The following CDH13 variants were observed in gnomAD, a reference collection of about 807,000 sequenced individuals.
CDH13 encodes the protein cadherin 13.
In CDH13, 24 loss-of-function variants were observed where a neutral mutation model predicts 63.8. That is an observed-to-expected ratio of 0.38 (90% confidence interval 0.27 to 0.53). The LOEUF (loss-of-function observed/expected upper bound fraction) is 0.53. Ranked by LOEUF, CDH13 falls within the 20% of genes least tolerant of loss-of-function variation. The pLI is 0.85. For missense variants in CDH13, 1,049 were observed against 903.1 expected (o/e 1.16, Z -2.07); for synonymous variants, 503 against 355.3 (o/e 1.42, Z -4.67).
At chr16:83,070,867 CCA>C (rs1419648889) in intron 3 of CDH13, among the ~76,000 whole-genome samples, 72 of 140,222 alleles carry the variant, frequency 5.1e-4, no homozygotes, top group Non-Finnish European at 7.1e-4. Flanking sequence ...CCCCCCCCCC[CCA>C]AATATCAATG....
chr16:83,144,328 A>G (rs774534116), intron 4 of CDH13, among the ~76,000 whole-genome samples: 2 of 152,220 alleles, frequency 1.3e-5, no homozygotes, highest in Non-Finnish European at 1.5e-5. Flanking sequence ...CACCTAACCA[A>G]TATGCTACTG....
intron 1 of CDH13, among the ~76,000 whole-genome samples, chr16:82,846,151 T>C (rs572545602): frequency 7.0e-4 from 107 of 152,346 alleles, no homozygotes; most frequent in African/African-American, 2.4e-3. Flanking sequence ...GGTGTTTGCA[T>C]TGACCAAACT....
chr16:83,019,437 C>A (rs1034153157), intron 2 of CDH13, among the ~76,000 whole-genome samples: 1 of 151,886 alleles, frequency 6.6e-6, no homozygotes, highest in East Asian at 1.9e-4. Context: ...GATATCAATG[C>A]CTTCTTCTGG....
chr16:83,387,074 C>G (rs1223716967), intron 6 of CDH13, among the ~76,000 whole-genome samples: 3 of 152,252 alleles, frequency 2.0e-5, no homozygotes, highest in African/African-American at 4.8e-5. Context: ...TGTTCATAGA[C>G]TCTATTATAG....
chr16:83,696,419 G>C (rs1009019397), intron 10 of CDH13, among the ~76,000 whole-genome samples: 3 of 151,982 alleles, frequency 2.0e-5, no homozygotes, highest in Admixed American at 1.3e-4. Context: ...AATCTGTAAA[G>C]GTGGGAGGAC....
chr16:82,874,662 G>C (rs756071273), intron 2 of CDH13, among the ~76,000 whole-genome samples: 2 of 152,140 alleles, frequency 1.3e-5, no homozygotes, highest in African/African-American at 2.4e-5. Context: ...AGGAAACATT[G>C]ATTCTGAATA....
intron 1 of CDH13, among the ~76,000 whole-genome samples, chr16:82,797,280 T>C (rs2036629014): frequency 6.6e-6 from 1 of 152,222 alleles, no homozygotes; most frequent in African/African-American, 2.4e-5. Flanking sequence ...GAGCCTCATA[T>C]GGTATGTGGT....
At chr16:83,378,912 C>G (rs8060651) in intron 6 of CDH13, among the ~76,000 whole-genome samples, 4,212 of 152,070 alleles carry the variant, frequency 0.028, 192 homozygotes, top group African/African-American at 0.094. Flanking sequence ...TGTGGTCCAC[C>G]AGAAACTTAA....
intron 5 of CDH13, among the ~76,000 whole-genome samples, chr16:83,272,614 A>G (rs9926153): frequency 0.88 from 134,444 of 152,224 alleles, 59,597 homozygotes; most frequent in East Asian, 1. Context: ...CAGACCCACC[A>G]GGCTGCAGAG....
chr16:83,250,959 A>T (rs1905455152), intron 5 of CDH13, among the ~76,000 whole-genome samples: 1 of 152,118 alleles, frequency 6.6e-6, no homozygotes, highest in Non-Finnish European at 1.5e-5. Context: ...TTGGGGGAAG[A>T]GACTTTTAAA....
intron 2 of CDH13, among the ~76,000 whole-genome samples, chr16:82,936,337 C>G (rs1409542093): frequency 1.3e-5 from 2 of 152,158 alleles, no homozygotes; most frequent in Non-Finnish European, 2.9e-5. Context: ...CTTCTTAACT[C>G]CTGTATCATC....
chr16:82,809,750 C>G (rs565536249), intron 1 of CDH13, among the ~76,000 whole-genome samples: 1 of 152,120 alleles, frequency 6.6e-6, no homozygotes, highest in South Asian at 2.1e-4. Flanking sequence ...AGTATTATAC[C>G]TTTCATTTTC....
intron 1 of CDH13, among the ~76,000 whole-genome samples, chr16:82,634,066 G>A (rs8047711): frequency 0.036 from 5,489 of 152,314 alleles, 199 homozygotes; most frequent in East Asian, 0.22. Context: ...AGCATCACCC[G>A]ATCTGCTGCA....
At chr16:83,021,135 T>C (rs1210645021) in intron 2 of CDH13, among the ~76,000 whole-genome samples, 1 of 152,212 alleles carries the variant, frequency 6.6e-6, no homozygotes, top group African/African-American at 2.4e-5. Flanking sequence ...GATTTTTCTT[T>C]CGCTTAATGG....
chr16:83,014,999 C>G (rs1399508165), intron 2 of CDH13, among the ~76,000 whole-genome samples: 1 of 150,234 alleles, frequency 6.7e-6, no homozygotes, highest in Non-Finnish European at 1.5e-5. Context: ...TAGATCCATA[C>G]TAAGAGATAA....
intron 2 of CDH13, among the ~76,000 whole-genome samples, chr16:82,933,401 A>G (rs901415282): frequency 2.2e-4 from 34 of 152,108 alleles, no homozygotes; most frequent in African/African-American, 5.8e-4. Flanking sequence ...TCATGATCCA[A>G]TCACCACTCA....
intron 7 of CDH13, among the ~76,000 whole-genome samples, chr16:83,500,861 T>G (rs995510058): frequency 2.0e-5 from 3 of 152,006 alleles, no homozygotes; most frequent in Admixed American, 2.0e-4. Context: ...ATTGCAGGCA[T>G]AAGCCACCAC....
chr16:82,699,483 G>A lies in CDH13; in HGVS notation c.45+72346G>A, dbSNP rs150194726. ...AGAAGGTGAGGCAGCCGATTCCCAGGTCCCATTTCCCTTGCTCCACTTCAT... is the reference window on the plus strand; with the variant it reads ...AGAAGGTGAGGCAGCCGATTCCCAGATCCCATTTCCCTTGCTCCACTTCAT... On this transcript the variant is annotated intron_variant, in intron 1 of 13. Coordinates refer to ENST00000567109, the MANE Select transcript of CDH13 (RefSeq NM_001257.5). Among the ~76,000 whole-genome samples, 534 of 152,248 alleles carry A rather than the reference G, an allele frequency of 3.5e-3. 4 individuals carry two copies. Among genetic ancestry groups the A allele is most frequent in the African/African-American group, 0.012 (493 of 41,550 alleles).
At position 83,621,475 on chromosome 16, in the gene CDH13, CTTTTTTTTT is replaced by C. The variant is rs72032168; in HGVS notation, c.1101+18902_1101+18910del. Among the ~76,000 whole-genome samples, 6 of 28,532 alleles carry C rather than the reference CTTTTTTTTT, an allele frequency of 2.1e-4. No individual in the cohort carries two copies. In the East Asian group the frequency reaches 3.2e-3, roughly 15 times the overall value. The allele number at this position is 28,532 out of a possible 152,430, so 18.7% of individuals were successfully genotyped here. ...GCCCTCTTGCTCTCACCTCACCTGC[CTTTTTTTTT>C]TTTTTTTTTTTTTTTTTTTTGAGAT... On this transcript the variant is annotated intron_variant, in intron 8 of 13. Transcript: ENST00000567109.
Sources: allele counts gnomAD v4.1 joint callset (sites outside exome capture counted in the v4.1 genomes callset), GRCh38; gene constraint gnomAD v4.1.1; transcripts MANE v1.5; gene names NCBI Gene and HGNC (gene_info 2026-07-23, HGNC 2026-07-21).